ERCC6L2: variants seen among roughly 807,000 people sequenced by gnomAD.
ERCC6L2 encodes the protein DNA excision repair protein ERCC-6-like 2.
A neutral mutation model predicts 132.0 loss-of-function variants in ERCC6L2; 77 were observed. That is an observed-to-expected ratio of 0.58 (90% CI 0.49 to 0.71). The LOEUF (loss-of-function observed/expected upper bound fraction) is 0.71. Among genes scored for constraint, ERCC6L2 ranks in the 30% least tolerant of loss-of-function variants. The pLI, the probability that ERCC6L2 is intolerant of heterozygous loss-of-function variation, is 0.00. For missense variants in ERCC6L2, 1,542 were observed against 1,837.6 expected (o/e 0.84, Z 2.94); for synonymous variants, 583 against 632.4 (o/e 0.92, Z 1.17).
rs144116927 is a variant in ERCC6L2, at chr9:95,984,119, A to G, written c.3492+5904A>G. Among the ~76,000 whole-genome samples, 153 of 150,608 alleles carry G rather than the reference A, an allele frequency of 1.0e-3. 1 individual carries two copies. The highest frequency in any genetic ancestry group is 1.9e-3 in the Non-Finnish European group (131 of 67,716). ...TATATATAAACCATATACATAACAT[A>G]TATGTTTATACATATATGTATAATA... On this transcript the variant is annotated intron_variant, in intron 17 of 18. Coordinates refer to ENST00000653738, the MANE Select transcript of ERCC6L2 (RefSeq NM_020207.7).
intron 4 of ERCC6L2, among the ~76,000 whole-genome samples, chr9:95,908,623 C>T (rs981608190): frequency 1.4e-4 from 22 of 152,106 alleles, no homozygotes; most frequent in African/African-American, 2.4e-5. Flanking sequence ...ATAGTTGTTC[C>T]AGCAGTAGGC....
chr9:95,976,058 C>T (rs1443535214), intron 16 of ERCC6L2, among the ~76,000 whole-genome samples: 1 of 151,914 alleles, frequency 6.6e-6, no homozygotes, highest in Non-Finnish European at 1.5e-5. Context: ...GAGATTTGAC[C>T]CTGCTGCTTT....
chr9:96,007,959 C>A (rs187794588), intron 18 of ERCC6L2, among the ~76,000 whole-genome samples: 2 of 152,216 alleles, frequency 1.3e-5, no homozygotes, highest in Admixed American at 1.3e-4. Context: ...GCTGGCCCCG[C>A]AGCTCTTTGG....
chr9:95,940,930 TC>T (rs1195101644), intron 11 of ERCC6L2, among the ~76,000 whole-genome samples: 2 of 152,182 alleles, frequency 1.3e-5, no homozygotes, highest in African/African-American at 4.8e-5. Flanking sequence ...TTCCTTTTTT[TC>T]AGGAAAGCCA....
At chr9:95,912,189 A>C (rs1587891370) in intron 4 of ERCC6L2, among the ~76,000 whole-genome samples, 1 of 152,282 alleles carries the variant, frequency 6.6e-6, no homozygotes, top group East Asian at 1.9e-4. Flanking sequence ...CACTATTGGC[A>C]TAGGACACTA....
rs1587824096 is a variant in ERCC6L2, at chr9:95,876,028, C to T, written c.-11C>T. On this transcript the variant is annotated 5_prime_UTR_variant, in exon 1 of 19. Transcript: ENST00000653738. ...TACATGCAGCCGGGCTCGGCCCCTC[C>T]CCCTGGCCGGATGGATCCGTCGGCG... The T allele has an allele frequency of 6.3e-7, 1 of 1,587,674 alleles. No individual in the cohort carries two copies. The highest frequency in any genetic ancestry group is 8.6e-7 in the Non-Finnish European group (1 of 1,167,946).
In ERCC6L2 at chr9:95,966,621, A is replaced by G. The variant is rs749368543; in HGVS notation, c.2007A>G (p.Gln669=). The G allele has an allele frequency of 8.4e-6, 13 of 1,542,644 alleles. No individual in the cohort carries two copies. The highest frequency in any genetic ancestry group is 1.2e-5 in the Non-Finnish European group (13 of 1,129,756). ...CCAAACGATATTTTGAAGCAGTTCAAGGATCTAAAGAGCATCAAGGAGAGC... is the reference window on the plus strand; with the variant it reads ...CCAAACGATATTTTGAAGCAGTTCAGGGATCTAAAGAGCATCAAGGAGAGC... The part of the protein sequence containing the change: ...ENAKRYFEAV[Q]GSKEHQGELF... Residue 669 remains glutamine (Q), a synonymous_variant, in exon 14 of 19, where the codon CAA becomes CAG. Transcript: ENST00000653738.
intron 12 of ERCC6L2, among the ~76,000 whole-genome samples, chr9:95,952,860 A>G (rs1831406625): frequency 6.6e-6 from 1 of 151,930 alleles, no homozygotes; most frequent in African/African-American, 2.4e-5. Flanking sequence ...AAAGGAAACT[A>G]CTTCAACATA....
chr9:95,948,660 C>A (rs1831177839), intron 12 of ERCC6L2, among the ~76,000 whole-genome samples: 1 of 151,912 alleles, frequency 6.6e-6, no homozygotes, highest in African/African-American at 2.4e-5. Flanking sequence ...TTAGCCTTCA[C>A]CCCATGTTGT....
chr9:95,897,197 T>C (rs543225226), intron 2 of ERCC6L2, among the ~76,000 whole-genome samples: 95 of 152,274 alleles, frequency 6.2e-4, no homozygotes, highest in African/African-American at 2.3e-3. Context: ...TTCAGAGAGG[T>C]TAACGCCCTT....
At chr9:95,963,709 G>A (rs189102765) in intron 13 of ERCC6L2, among the ~76,000 whole-genome samples, 45 of 152,120 alleles carry the variant, frequency 3.0e-4, no homozygotes, top group Admixed American at 2.6e-3. Flanking sequence ...TCTTCAGCCT[G>A]GAATATTATC....
intron 19 of ERCC6L2, among the ~76,000 whole-genome samples, chr9:96,025,550 T>C (rs1834349359): frequency 6.6e-6 from 1 of 151,940 alleles, no homozygotes; most frequent in Non-Finnish European, 1.5e-5. Context: ...GAAGGGACAC[T>C]GAGCTACACA....
chr9:96,020,730 G>C (rs1206200477), downstream of ERCC6L2: 4 of 455,642 alleles, frequency 8.8e-6, no homozygotes, highest in Admixed American at 9.4e-5. Flanking sequence ...CTTTGCGCTG[G>C]AGTCCTCAGA....
At chr9:95,891,229 C>T (rs1287555713) in intron 2 of ERCC6L2, among the ~76,000 whole-genome samples, 1 of 152,034 alleles carries the variant, frequency 6.6e-6, no homozygotes, top group East Asian at 1.9e-4. Context: ...AAAAAAAGCT[C>T]CTGTTTATTG....
intron 1 of ERCC6L2, among the ~76,000 whole-genome samples, chr9:95,878,737 A>G (rs1055930983): frequency 1.5e-4 from 22 of 143,010 alleles, no homozygotes; most frequent in Non-Finnish European, 3.1e-4. Flanking sequence ...ATTCCCACCT[A>G]TGAGTGAGAA....
chr9:95,942,305 A>G (rs771484020), intron 12 of ERCC6L2, among the ~76,000 whole-genome samples: 9 of 152,208 alleles, frequency 5.9e-5, no homozygotes, highest in Non-Finnish European at 1.3e-4. Context: ...TTAATTATGA[A>G]TGGGAAATGA....
chr9:95,890,979 A>C (rs1157078012), intron 2 of ERCC6L2, among the ~76,000 whole-genome samples: 1 of 152,158 alleles, frequency 6.6e-6, no homozygotes, highest in Non-Finnish European at 1.5e-5. Context: ...TTGGGAGGCT[A>C]AGGTGGGCAG....
At chr9:95,931,685 G>A (rs1830345234) in intron 11 of ERCC6L2, among the ~76,000 whole-genome samples, 1 of 152,134 alleles carries the variant, frequency 6.6e-6, no homozygotes, top group East Asian at 1.9e-4. Flanking sequence ...CTAAATAGAT[G>A]TGCAGTGCCA....
At chr9:95,956,582 C>T (rs1276473577) in intron 13 of ERCC6L2, among the ~76,000 whole-genome samples, 1 of 152,044 alleles carries the variant, frequency 6.6e-6, no homozygotes, top group African/African-American at 2.4e-5. Context: ...TTTCACATGG[C>T]GGGGGAGGCC....
Sources: allele counts gnomAD v4.1 joint callset (sites outside exome capture counted in the v4.1 genomes callset), GRCh38; gene constraint gnomAD v4.1.1; transcripts MANE v1.5; gene names NCBI Gene and HGNC (gene_info 2026-07-23, HGNC 2026-07-21).